The following TMEM129 variants were observed in gnomAD, a reference collection of about 807,000 sequenced individuals.
The protein encoded by TMEM129 is E3 ubiquitin-protein ligase TM129.
In TMEM129, 35 loss-of-function variants were observed where a neutral mutation model predicts 34.1. The ratio of observed to expected loss-of-function variants is 1.03; its 90% CI spans 0.78 to 1.36. The LOEUF is 1.36. Ranked by LOEUF, TMEM129 falls within the 40% of genes most tolerant of loss-of-function variation. TMEM129 has a pLI of 0.00. For synonymous variants in TMEM129, 239 were observed against 217.3 expected, an observed-to-expected ratio of 1.10 and a Z score of -0.88; for missense variants, 504 against 512.6, an observed-to-expected ratio of 0.98 and a Z score of 0.16.
Position 1,718,756 on chromosome 4 carries a change from CTG to C in TMEM129, c.206-132_206-131del. ...CCAGGGTAATTGGGCTTTACCCACT[CTG>C]CACTTCCCCAGCCGGCCACTCTCTC... On this transcript the variant is annotated intron_variant, in intron 1 of 3. Transcript: ENST00000382936. The C allele has an allele frequency of 2.8e-6, 4 of 1,412,794 alleles. No individual in the cohort carries two copies. In the South Asian group the frequency reaches 6.6e-5, roughly 23 times the overall value. 87.5% of individuals were successfully genotyped at this position (1,412,794 alleles called of 1,614,324 possible). A position where few individuals can be genotyped will look rare whatever the true frequency, so the allele number is the denominator to read the frequency against.
In TMEM129 at chr4:1,720,725, G is replaced by T; in HGVS notation, c.113C>A (p.Ser38Ter). 2 of 1,565,358 alleles carry T rather than the reference G, an allele frequency of 1.3e-6. No homozygotes were observed. Among genetic ancestry groups the T allele is most frequent in the Non-Finnish European group, 1.7e-6 (2 of 1,156,734 alleles). ...AAGLTVQNLL[S>*]GWLGSEDAAF... ...GGCGTCCTCGCTGCCCAGCCAGCCC[G>T]ACAGCAGGTTCTGCACCGTGAGCCC... The change falls in exon 1 of 4, where the codon TCG (serine) becomes TAG (stop). Residue 38 changes from serine (S) to a stop codon, truncating the protein, a stop_gained. Coordinates refer to ENST00000382936, the MANE Select transcript of TMEM129 (RefSeq NM_001127266.2). LOFTEE classifies it high-confidence loss of function. The surrounding 1 kb of genome is among the most constrained non-coding windows in gnomAD (Gnocchi z 4.4).
chr4:1,718,096 G>A (rs1468977261), intron 2 of TMEM129, 56 bp downstream of exon 2: 30 of 1,455,032 alleles, frequency 2.1e-5, no homozygotes, highest in Non-Finnish European at 2.7e-5. Flanking sequence ...TGGCACCAGA[G>A]CCTGGCTCTG....
chr4:1,718,580 G>A lies in TMEM129; in HGVS notation c.252C>T (p.His84=), dbSNP rs1003549676. 43 of 1,465,500 alleles carry A rather than the reference G, an allele frequency of 2.9e-5. No homozygotes were observed. The highest frequency in any genetic ancestry group is 7.1e-5 in the African/African-American group (5 of 70,120). 90.8% of individuals were successfully genotyped at this position (1,465,500 alleles called of 1,614,324 possible). The part of the protein sequence containing the change: ...MCLAASEKRL[H]ALSQAPEAWR... ...AGGCCTCAGGGGCCTGGCTGAGGGCGTGGAGCCGCTTTTCTGAAGCCGCAA... is the reference window on the plus strand; with the variant it reads ...AGGCCTCAGGGGCCTGGCTGAGGGCATGGAGCCGCTTTTCTGAAGCCGCAA... The change falls in exon 2 of 4, where the codon CAC becomes CAT. Residue 84 remains histidine (H), a synonymous_variant. Coordinates refer to ENST00000382936, the MANE Select transcript of TMEM129 (RefSeq NM_001127266.2).
rs1179111738 is a variant in TMEM129 at position 1,720,821 on chromosome 4, A to G, written c.17T>C (p.Val6Ala). 3.2e-6 allele frequency: 5 copies of G among 1,586,762 alleles called. No individual in the cohort carries two copies. The highest frequency in any genetic ancestry group is 2.3e-5 in the South Asian group (2 of 87,210). The part of the protein sequence containing the change: MDSPE[V>A]TFTLAYLVFA... ...CACCAGATAGGCGAGAGTGAAGGTC[A>G]CCTCGGGGCTGTCCATCGCGCAGCC... Residue 6 changes from valine (V) to alanine (A), a missense_variant, in exon 1 of 4, where the codon GTG (valine) becomes GCG (alanine). Transcript: ENST00000382936. The surrounding 1 kb of genome is among the most constrained non-coding windows in gnomAD (Gnocchi z 4.4).
chr4:1,718,776 A>G (rs193255464), intron 1 of TMEM129, 150 bp from the exon 2 acceptor site: 1 of 1,402,338 alleles, frequency 7.1e-7, no homozygotes, highest in Non-Finnish European at 9.2e-7. Context: ...CCAGCCGGCC[A>G]CTCTCTCCCT....
At chr4:1,719,665 TGTG>T (rs1443594252) in intron 1 of TMEM129, among the ~76,000 whole-genome samples, 1 of 152,250 alleles carries the variant, frequency 6.6e-6, no homozygotes, top group Non-Finnish European at 1.5e-5. Context: ...ACAATTCACT[TGTG>T]GTCCCTCATA....
intron 1 of TMEM129, chr4:1,718,906 T>G: frequency 7.7e-7 from 1 of 1,298,056 alleles, no homozygotes; most frequent in Non-Finnish European, 9.9e-7. Context: ...ATAAACACAA[T>G]CAGGTGTCAC....
In TMEM129 at chr4:1,718,144, ACT is replaced by A; in HGVS notation, c.680+6_680+7del. 1 of 1,538,782 alleles carries A rather than the reference ACT, an allele frequency of 6.5e-7. No individual in the cohort carries two copies. Among genetic ancestry groups the A allele is most frequent in the Non-Finnish European group, 8.8e-7 (1 of 1,141,168 alleles). ...CCCTCCGCAGCCCCACAGGCACCAC[ACT>A]CTTACCAGATGTCAAAGGCCTGCAC... On this transcript the variant is annotated splice_donor_region_variant and intron_variant, in intron 2 of 3. Coordinates refer to ENST00000382936, the MANE Select transcript of TMEM129 (RefSeq NM_001127266.2).
rs993244805 is a variant in TMEM129, at chr4:1,721,212, G to C, written c.-375C>G. The C allele has an allele frequency of 1.2e-5, 2 of 172,342 alleles. No homozygotes were observed. Among genetic ancestry groups the C allele is most frequent in the African/African-American group, 4.7e-5 (2 of 42,282 alleles). 10.7% of individuals were successfully genotyped at this position (172,342 alleles called of 1,614,324 possible). The stretch of plus-strand genomic sequence containing the variant: ...CCGCACCTGTGCATTGAGCACAGGT[G>C]GGGAAACTTAGGCCTGAGCGAGGCC... On this transcript the variant is annotated 5_prime_UTR_variant, in exon 1 of 4. Transcript: ENST00000382936.
rs955181135 is a variant in TMEM129, at chr4:1,720,930, G to A, written c.-93C>T. On this transcript the variant is annotated 5_prime_UTR_variant, in exon 1 of 4. Coordinates refer to ENST00000382936, the MANE Select transcript of TMEM129 (RefSeq NM_001127266.2). The surrounding 1 kb of genome is among the most constrained non-coding windows in gnomAD (Gnocchi z 4.4). ...AGTCCCGGACCTGTCGGTTGCGGCG[G>A]CCGCCGCCCGGCCGCCCGCGGGGCA... is the stretch of plus-strand genomic sequence containing the variant. 8.6e-7 allele frequency: 1 copy of A among 1,164,726 alleles called. No individual in the cohort carries two copies. 72.1% of individuals were successfully genotyped at this position (1,164,726 alleles called of 1,614,324 possible).
Position 1,720,220 on chromosome 4 carries a change from C to A in TMEM129, c.205+413G>T, listed in dbSNP as rs1717222827. Among the ~76,000 whole-genome samples, 1 of 152,238 alleles carries A rather than the reference C, an allele frequency of 6.6e-6. No individual in the cohort carries two copies. The highest frequency in any genetic ancestry group is 2.4e-5 in the African/African-American group (1 of 41,466). ...CTGCCTCCAAATCCGCCTGTTCTCT[C>A]CACACCCACCTTCCAAGGCCTAGTG... is the stretch of plus-strand genomic sequence containing the variant. On this transcript the variant is annotated intron_variant, in intron 1 of 3. Transcript: ENST00000382936. This position sits in a 1 kb window ranked among gnomAD's most constrained non-coding sequence, Gnocchi z 4.4.
At chr4:1,717,920 G>T (rs967079904) in intron 2 of TMEM129, 1 of 677,276 alleles carries the variant, frequency 1.5e-6, no homozygotes, top group East Asian at 2.8e-5. Context: ...TCTGGGGGAG[G>T]TGGCTCCAGG....
chr4:1,718,342 C>A lies in TMEM129; in HGVS notation c.490G>T (p.Val164Leu), dbSNP rs1013139262. Residue 164 changes from valine (V) to leucine (L), a missense_variant, in exon 2 of 4, where the codon GTG becomes TTG. Val to Leu is a conservative substitution (Grantham distance 32). Transcript: ENST00000382936. ...ATCACCCACGTGTCTGTCACAATCA[C>A]ACGGGCACCTGGTGCACCGGTGGCA... ...KFATGAPGAR[V>L]IVTDTWVMKV... is the part of the protein sequence containing the mutation. The A allele has an allele frequency of 1.9e-6, 3 of 1,613,372 alleles. No individual in the cohort carries two copies. In the Admixed American group the frequency reaches 5.0e-5, roughly 27 times the overall value.
chr4:1,717,692 T>G lies in TMEM129; in HGVS notation c.681-17A>C. On this transcript the variant is annotated splice_polypyrimidine_tract_variant and intron_variant, in intron 2 of 3. Coordinates refer to ENST00000382936, the MANE Select transcript of TMEM129 (RefSeq NM_001127266.2). ...GAGTTCAGCCTGCAGGGAGGAGAGCTGCTGGGCCCCTCTGCAGGGCAAAGG... is the reference window on the plus strand; with the variant it reads ...GAGTTCAGCCTGCAGGGAGGAGAGCGGCTGGGCCCCTCTGCAGGGCAAAGG... 6.7e-7 allele frequency: 1 copy of G among 1,488,216 alleles called. No homozygotes were observed. Among genetic ancestry groups the G allele is most frequent in the Non-Finnish European group, 9.0e-7 (1 of 1,113,732 alleles). The allele number at this position is 1,488,216 out of a possible 1,614,324, so 92.2% of individuals were successfully genotyped here.
Position 1,717,376 on chromosome 4 carries a change from A to G in TMEM129, c.893T>C (p.Val298Ala), listed in dbSNP as rs1577195316. The change falls in exon 4 of 4, where the codon GTG becomes GCG. Residue 298 changes from valine (V) to alanine (A), a missense_variant. Val to Ala is a moderately conservative substitution (Grantham distance 64). Coordinates refer to ENST00000382936, the MANE Select transcript of TMEM129 (RefSeq NM_001127266.2). The stretch of plus-strand genomic sequence containing the variant: ...TGTGGCTGCCTCCTGGCAGGTCTTC[A>G]CCAGCTTCACGCTGGCACGTGTCTG... The part of the protein sequence containing the change: ...CMQTRASVKL[V>A]KTCQEAATGE... The G allele has an allele frequency of 6.5e-7, 1 of 1,530,606 alleles. No individual in the cohort carries two copies. The highest frequency in any genetic ancestry group is 1.8e-4 in the Middle Eastern group (1 of 5,708). The allele number at this position is 1,530,606 out of a possible 1,614,324, so 94.8% of individuals were successfully genotyped here. A position where few individuals can be genotyped will look rare whatever the true frequency, so the allele number is the denominator to read the frequency against.
At position 1,719,010 on chromosome 4, in the gene TMEM129, G is replaced by A; in HGVS notation, c.206-384C>T. Reference sequence around the variant, plus strand: ...CCCGCTCTGAGGAGGCTGATCAAATGTGGTGCATCCCAGAGCTGAAAAGTT... The same window carrying A: ...CCCGCTCTGAGGAGGCTGATCAAATATGGTGCATCCCAGAGCTGAAAAGTT... On this transcript the variant is annotated intron_variant, in intron 1 of 3. Transcript: ENST00000382936. 2.3e-6 allele frequency: 3 copies of A among 1,279,264 alleles called. No individual in the cohort carries two copies. In the South Asian group the frequency reaches 3.9e-5, roughly 16 times the overall value. The allele number at this position is 1,279,264 out of a possible 1,614,324, so 79.2% of individuals were successfully genotyped here. A position where few individuals can be genotyped will look rare whatever the true frequency, so the allele number is the denominator to read the frequency against.
chr4:1,719,405 G>T (rs1717156579), intron 1 of TMEM129, among the ~76,000 whole-genome samples: 1 of 152,150 alleles, frequency 6.6e-6, no homozygotes, highest in Non-Finnish European at 1.5e-5. Flanking sequence ...CAAAAAATTA[G>T]CCGGGCGTGG....
At position 1,720,272 on chromosome 4, in the gene TMEM129, C is replaced by T. The variant is rs892144856; in HGVS notation, c.205+361G>A. Among the ~76,000 whole-genome samples, 1 of 152,242 alleles carries T rather than the reference C, an allele frequency of 6.6e-6. No homozygotes were observed. Among genetic ancestry groups the T allele is most frequent in the Admixed American group, 6.5e-5 (1 of 15,286 alleles). On this transcript the variant is annotated intron_variant, in intron 1 of 3. Coordinates refer to ENST00000382936, the MANE Select transcript of TMEM129 (RefSeq NM_001127266.2). The surrounding 1 kb of genome is among the most constrained non-coding windows in gnomAD (Gnocchi z 4.4). ...AGTGCCACCCTCCACACAGCCCCTCCGACCCCTTCCGTTGGACTCAATCAA... is the reference window on the plus strand; with the variant it reads ...AGTGCCACCCTCCACACAGCCCCTCTGACCCCTTCCGTTGGACTCAATCAA...
Position 1,720,578 on chromosome 4 carries a change from T to TC in TMEM129, c.205+54dup. The TC allele has an allele frequency of 6.7e-7, 1 of 1,498,882 alleles. No individual in the cohort carries two copies. Among genetic ancestry groups the TC allele is most frequent in the Non-Finnish European group, 8.9e-7 (1 of 1,126,460 alleles). 92.8% of individuals were successfully genotyped at this position (1,498,882 alleles called of 1,614,324 possible). Reference sequence around the variant, plus strand: ...AGCTGGCGGAGGCCTCCTCCTGACCTCCCAGCAAGCCCTGCGCAGGAGAGG... The same window carrying TC: ...AGCTGGCGGAGGCCTCCTCCTGACCTCCCCAGCAAGCCCTGCGCAGGAGAGG... On this transcript the variant is annotated intron_variant, in intron 1 of 3. Coordinates refer to ENST00000382936, the MANE Select transcript of TMEM129 (RefSeq NM_001127266.2). This position sits in a 1 kb window ranked among gnomAD's most constrained non-coding sequence, Gnocchi z 4.4.
Sources: gnomAD v4.1 joint callset for allele counts (sites outside exome capture counted in the v4.1 genomes callset) on GRCh38, gnomAD v4.1.1 for gene constraint, Gnocchi (gnomAD v3.1) non-coding constraint, MANE v1.5 for transcripts, NCBI Gene and HGNC (gene_info 2026-07-23, HGNC 2026-07-21) for gene names.